Variants in PDE9A observed in about 807,000 individuals in gnomAD.
PDE9A encodes high affinity cGMP-specific 3',5'-cyclic phosphodiesterase 9A.
PDE9A carries 60 observed loss-of-function variants against 87.4 expected under a neutral mutation model. The ratio of observed to expected loss-of-function variants is 0.69; its 90% CI spans 0.56 to 0.85. PDE9A has a LOEUF of 0.85. PDE9A is among the 40% of genes least tolerant of loss of function. The pLI is 0.00. For synonymous variants in PDE9A, 272 were observed against 279.4 expected, an observed-to-expected ratio of 0.97 and a Z score of 0.27; for missense variants, 665 against 779.0, an observed-to-expected ratio of 0.85 and a Z score of 1.74.
chr21:42,680,578 C>T (rs957246174), intron 1 of PDE9A, among the ~76,000 whole-genome samples: 2 of 152,252 alleles, frequency 1.3e-5, no homozygotes, highest in Non-Finnish European at 2.9e-5. Context: ...GCCCCGGGTC[C>T]CCTGTGCCCT....
rs1555949482 is a variant in PDE9A at position 42,759,380 on chromosome 21, A to AAC, written c.897+295_897+296insAC. 1.7e-5 allele frequency among the ~76,000 whole-genome samples: 2 copies of AAC among 114,988 alleles called. No homozygotes were observed. Among genetic ancestry groups the AAC allele is most frequent in the Non-Finnish European group, 3.9e-5 (2 of 51,592 alleles). The allele number at this position is 114,988 out of a possible 152,430, so 75.4% of individuals were successfully genotyped here. On this transcript the variant is annotated intron_variant, in intron 11 of 19. Coordinates refer to ENST00000291539, the MANE Select transcript of PDE9A (RefSeq NM_002606.3). This position sits in a 1 kb window ranked among gnomAD's most constrained non-coding sequence, Gnocchi z 7.2. ...ATGTCCTAAAGCAGCGGTGTGTGGGAGCGTGTGTGTGTGTGTGGGAGCGTG... is the reference window on the plus strand; with the variant it reads ...ATGTCCTAAAGCAGCGGTGTGTGGGAACGCGTGTGTGTGTGTGTGGGAGCGTG...
At chr21:42,745,169 G>A (rs1174054496) in intron 8 of PDE9A, among the ~76,000 whole-genome samples, 1 of 152,212 alleles carries the variant, frequency 6.6e-6, no homozygotes, top group Non-Finnish European at 1.5e-5. Context: ...AGAGGCAGAA[G>A]GTGAAGGGAA....
intron 1 of PDE9A, among the ~76,000 whole-genome samples, chr21:42,671,972 T>C (rs1250397948): frequency 6.6e-6 from 1 of 150,982 alleles, no homozygotes; most frequent in Non-Finnish European, 1.5e-5. Context: ...CCTGTTTGTC[T>C]TGAGGGCAGA....
At chr21:42,752,366 G>A (rs547261678) in intron 9 of PDE9A, among the ~76,000 whole-genome samples, 3 of 152,146 alleles carry the variant, frequency 2.0e-5, no homozygotes, top group Non-Finnish European at 4.4e-5. Flanking sequence ...CTGCCTCTTG[G>A]GTTCAAGTGA....
intron 7 of PDE9A, among the ~76,000 whole-genome samples, chr21:42,740,014 C>T (rs953708504): frequency 2.0e-5 from 3 of 152,048 alleles, no homozygotes; most frequent in African/African-American, 7.3e-5. Context: ...TAGAAAACAA[C>T]AAATTTTATC....
chr21:42,753,068 A>T (rs1360596449), intron 9 of PDE9A, among the ~76,000 whole-genome samples: 2 of 152,058 alleles, frequency 1.3e-5, no homozygotes, highest in African/African-American at 4.8e-5. Flanking sequence ...GTGCAGTGGC[A>T]CGATCTTGGC....
rs563279267 is a variant in PDE9A at position 42,688,420 on chromosome 21, G to T, written c.218+426G>T. 3.9e-5 allele frequency among the ~76,000 whole-genome samples: 6 copies of T among 152,308 alleles called. No individual in the cohort carries two copies. In the East Asian group the frequency reaches 1.2e-3, roughly 29 times the overall value. ...TGTGTTCATAAAGTGATGCCTGTGGGAGATTCTAAGCACAGAAGGGCCAGG... is the reference window on the plus strand; with the variant it reads ...TGTGTTCATAAAGTGATGCCTGTGGTAGATTCTAAGCACAGAAGGGCCAGG... On this transcript the variant is annotated intron_variant, in intron 3 of 19. Coordinates refer to ENST00000291539, the MANE Select transcript of PDE9A (RefSeq NM_002606.3).
At chr21:42,715,675 A>T (rs1333652769) in intron 4 of PDE9A, among the ~76,000 whole-genome samples, 1 of 151,760 alleles carries the variant, frequency 6.6e-6, no homozygotes, top group East Asian at 1.9e-4. Flanking sequence ...CAACATTGAC[A>T]TATCCTTATC....
intron 1 of PDE9A, among the ~76,000 whole-genome samples, chr21:42,680,570 C>G (rs534987371): frequency 6.6e-6 from 1 of 152,266 alleles, no homozygotes; most frequent in Non-Finnish European, 1.5e-5. Context: ...CGACCAGAGC[C>G]CCGGGTCCCC....
At chr21:42,720,160 G>A (rs989085642) in intron 4 of PDE9A, among the ~76,000 whole-genome samples, 9 of 152,102 alleles carry the variant, frequency 5.9e-5, no homozygotes, top group East Asian at 5.8e-4. Flanking sequence ...TTCCCCCAGC[G>A]GCATCCGTTC....
chr21:42,726,255 C>A (rs747667448), intron 4 of PDE9A, among the ~76,000 whole-genome samples: 5 of 152,044 alleles, frequency 3.3e-5, no homozygotes. Flanking sequence ...TCTGCCACAC[C>A]GTAGCTTGTC....
intron 1 of PDE9A, among the ~76,000 whole-genome samples, chr21:42,670,702 C>T (rs573180798): frequency 6.9e-6 from 1 of 145,162 alleles, no homozygotes; most frequent in Admixed American, 6.9e-5. Flanking sequence ...CACACACTCA[C>T]ACATACACTT....
chr21:42,712,679 A>T (rs954575806), intron 4 of PDE9A, among the ~76,000 whole-genome samples: 1 of 152,192 alleles, frequency 6.6e-6, no homozygotes, highest in African/African-American at 2.4e-5. Context: ...TAAGGTTGGA[A>T]GTCCCCGTCT....
intron 4 of PDE9A, among the ~76,000 whole-genome samples, chr21:42,712,970 G>C (rs987437084): frequency 6.6e-6 from 1 of 152,062 alleles, no homozygotes; most frequent in African/African-American, 2.4e-5. Flanking sequence ...TGCTTTCCTA[G>C]GGTAAATGCA....
intron 14 of PDE9A, among the ~76,000 whole-genome samples, chr21:42,765,033 G>GGATGTGTA (rs2056253334): frequency 6.6e-6 from 1 of 152,000 alleles, no homozygotes; most frequent in Admixed American, 6.6e-5. Context: ...GTGGATGGGT[G>GGATGTGTA]GATGGACAAA....
intron 2 of PDE9A, 72 bp downstream of exon 2, chr21:42,686,334 G>T: frequency 1.6e-6 from 2 of 1,214,918 alleles, no homozygotes; most frequent in Non-Finnish European, 2.4e-6. Flanking sequence ...GGCTGGGAGG[G>T]GCGGGAAGAG....
rs201349052 is a variant in PDE9A, at chr21:42,731,985, C to A, written c.442+36C>A. On this transcript the variant is annotated intron_variant, in intron 5 of 19. Coordinates refer to ENST00000291539, the MANE Select transcript of PDE9A (RefSeq NM_002606.3). ...GCTCCTCGGCCACAGCCTCCACCCC[C>A]CAACACGTGGGATTCGGGCTGCAAT... 6.3e-5 allele frequency: 102 copies of A among 1,612,170 alleles called. No individual in the cohort carries two copies. In the Middle Eastern group the frequency reaches 1.3e-3, roughly 21 times the overall value.
At chr21:42,766,069 C>G (rs947008403) in intron 15 of PDE9A, among the ~76,000 whole-genome samples, 1 of 151,176 alleles carries the variant, frequency 6.6e-6, no homozygotes, top group African/African-American at 2.4e-5. Flanking sequence ...ACGACTCATG[C>G]CTGGAATCCA....
At chr21:42,658,747 A>G (rs1355809708) in intron 1 of PDE9A, among the ~76,000 whole-genome samples, 2 of 152,114 alleles carry the variant, frequency 1.3e-5, no homozygotes, top group Non-Finnish European at 2.9e-5. Context: ...CTTCCAGCCT[A>G]TCATCTGTCT....
Sources: gnomAD v4.1 joint callset for allele counts (sites outside exome capture counted in the v4.1 genomes callset) on GRCh38, gnomAD v4.1.1 for gene constraint, Gnocchi (gnomAD v3.1) non-coding constraint, MANE v1.5 for transcripts, NCBI Gene and HGNC (gene_info 2026-07-23, HGNC 2026-07-21) for gene names.